POLA1: variants seen among roughly 807,000 people sequenced by gnomAD.
POLA1 encodes the protein DNA polymerase alpha catalytic subunit.
In POLA1, 15 loss-of-function variants were observed where a neutral mutation model predicts 124.0. The observed-to-expected ratio is 0.12, with a 90% CI of 0.08 to 0.19. The LOEUF is 0.19. Ranked by LOEUF, POLA1 falls within the 10% of genes least tolerant of loss-of-function variation. The pLI, the probability that POLA1 is intolerant of heterozygous loss-of-function variation, is 1.00. For missense variants in POLA1, 886 were observed against 1,103.4 expected (o/e 0.80, Z 2.79); for synonymous variants, 408 against 389.4 (o/e 1.05, Z -0.56).
intron 36 of POLA1, among the ~76,000 whole-genome samples, chrX:24,932,454 AAG>A (rs916381727): frequency 2.7e-5 from 3 of 111,978 alleles, no homozygotes; most frequent in Non-Finnish European, 5.6e-5. Context: ...CACAGAAAAT[AAG>A]AGGAAATAAG....
At chrX:24,768,426 T>C (rs528630208) in intron 26 of POLA1, among the ~76,000 whole-genome samples, 2 of 112,069 alleles carry the variant, frequency 1.8e-5, no homozygotes, top group Admixed American at 1.9e-4. Context: ...AGCTCAAACT[T>C]GGCATGGTTC....
rs759609075 is a variant in POLA1 at position 24,995,797 on chromosome X, C to G, written c.4262-8C>G. On this transcript the variant is annotated splice_region_variant and splice_polypyrimidine_tract_variant and intron_variant, in intron 36 of 36. Coordinates refer to ENST00000379068, the MANE Select transcript of POLA1 (RefSeq NM_001330360.2). ...TGAGACTTCTAATCTCTCTCTCTCTCTTTTTAGATAAATTGAAGAAGCAAT... is the reference window on the plus strand; with the variant it reads ...TGAGACTTCTAATCTCTCTCTCTCTGTTTTTAGATAAATTGAAGAAGCAAT... 8.4e-7 allele frequency: 1 copy of G among 1,193,744 alleles called. No homozygotes were observed. Among genetic ancestry groups the G allele is most frequent in the Non-Finnish European group, 1.1e-6 (1 of 881,788 alleles).
chrX:24,801,682 T>A (rs759851508), intron 26 of POLA1, among the ~76,000 whole-genome samples: 1 of 111,610 alleles, frequency 9.0e-6, no homozygotes, highest in East Asian at 2.8e-4. Flanking sequence ...TATTGAGCTC[T>A]TATGTCCCAG....
chrX:24,714,814 G>A, intron 5 of POLA1, 145 bp downstream of exon 5: 1 of 435,787 alleles, frequency 2.3e-6, no homozygotes, highest in South Asian at 4.6e-5. Context: ...ATTTCTAAGT[G>A]AATTAAGGCA....
intron 26 of POLA1, among the ~76,000 whole-genome samples, chrX:24,797,614 C>T (rs924658230): frequency 8.9e-6 from 1 of 112,235 alleles, no homozygotes; most frequent in Admixed American, 9.5e-5. Context: ...CTATGACCTA[C>T]GTCTAGCACA....
chrX:24,743,516 G>T (rs1199144530), intron 23 of POLA1, among the ~76,000 whole-genome samples, 187 bp downstream of exon 23: 1 of 112,303 alleles, frequency 8.9e-6, no homozygotes, highest in African/African-American at 3.2e-5. Context: ...TGTGAATTTT[G>T]TTATGCTGTG....
At chrX:24,703,222 C>CT (rs763090205) in intron 2 of POLA1, 29 bp from the exon 3 acceptor site, 1 of 1,077,787 alleles carries the variant, frequency 9.3e-7, no homozygotes, top group Non-Finnish European at 1.3e-6. Flanking sequence ...CTATTTGAAG[C>CT]TTTTTTCCTG....
At chrX:24,736,872 A>G (rs2148382688) in intron 18 of POLA1, among the ~76,000 whole-genome samples, 1 of 111,748 alleles carries the variant, frequency 8.9e-6, no homozygotes, top group South Asian at 3.8e-4. Flanking sequence ...TGACTACTCT[A>G]AGTAGTGGTA....
chrX:24,705,597 A>T (rs192365111), intron 4 of POLA1, among the ~76,000 whole-genome samples: 2 of 111,705 alleles, frequency 1.8e-5, no homozygotes, highest in East Asian at 5.6e-4. Context: ...AAGTTTCCCA[A>T]TTAGCCCAAT....
chrX:24,975,673 A>C (rs2048358185), intron 36 of POLA1, among the ~76,000 whole-genome samples: 1 of 112,132 alleles, frequency 8.9e-6, no homozygotes, highest in African/African-American at 3.2e-5. Context: ...ATTTCGAAAA[A>C]AGTTTTGACC....
At chrX:24,941,146 C>T (rs1036395380) in intron 36 of POLA1, among the ~76,000 whole-genome samples, 1 of 111,696 alleles carries the variant, frequency 9.0e-6, no homozygotes, top group African/African-American at 3.2e-5. Flanking sequence ...TTTATGCTCC[C>T]TCTATGAGAC....
At chrX:24,888,435 G>C (rs910356110) in intron 35 of POLA1, among the ~76,000 whole-genome samples, 1 of 110,121 alleles carries the variant, frequency 9.1e-6, no homozygotes, top group Non-Finnish European at 1.9e-5. Flanking sequence ...ATCGTCTTTG[G>C]GCTTGATCAG....
At chrX:24,877,777 C>G (rs1259413094) in intron 34 of POLA1, among the ~76,000 whole-genome samples, 1 of 111,698 alleles carries the variant, frequency 9.0e-6, no homozygotes, top group African/African-American at 3.3e-5. Context: ...TATGGCCATT[C>G]AGAAAATATA....
At chrX:24,927,147 T>C (rs2047705263) in intron 35 of POLA1, among the ~76,000 whole-genome samples, 2 of 110,521 alleles carry the variant, frequency 1.8e-5, no homozygotes, top group African/African-American at 3.3e-5. Flanking sequence ...TATCAGTACT[T>C]TTTTTAAAGC....
chrX:24,821,516 T>A lies in POLA1; in HGVS notation c.3494T>A (p.Leu1165His). 1 of 1,200,275 alleles carries A rather than the reference T, an allele frequency of 8.3e-7. No homozygotes were observed. Among genetic ancestry groups the A allele is most frequent in the African/African-American group, 1.7e-5 (1 of 57,629 alleles). The change falls in exon 31 of 37, where the codon CTC (leucine) becomes CAC (histidine). Residue 1165 changes from leucine (L) to histidine (H), a missense_variant. Physicochemically the swap from Leu to His is moderately conservative, Grantham distance 99 (BLOSUM62 -3). Around this residue, in one of 7 missense-constraint regions of POLA1, gnomAD observed 313 missense variants for 359.7 expected, o/e 0.87. Coordinates refer to ENST00000379068, the MANE Select transcript of POLA1 (RefSeq NM_001330360.2). ...KKSLPHVHVA[L>H]WINSQGGRKV... The stretch of plus-strand genomic sequence containing the variant: ...AGCCTACCTCATGTACATGTTGCCC[T>A]CTGGATAAATTCTCAAGGAGGCAGA...
intron 36 of POLA1, among the ~76,000 whole-genome samples, chrX:24,962,522 G>A (rs1181802631): frequency 8.9e-6 from 1 of 111,941 alleles, no homozygotes; most frequent in Non-Finnish European, 1.9e-5. Flanking sequence ...AGGCATCACA[G>A]TAAGGATAAG....
At chrX:24,820,967 C>G (rs2046077850) in intron 30 of POLA1, among the ~76,000 whole-genome samples, 1 of 111,966 alleles carries the variant, frequency 8.9e-6, no homozygotes. Flanking sequence ...CTTTCTGTTA[C>G]AAATTCATTC....
chrX:24,808,659 A>G (rs1024154063), intron 26 of POLA1, among the ~76,000 whole-genome samples: 1 of 111,477 alleles, frequency 9.0e-6, no homozygotes, highest in African/African-American at 3.3e-5. Context: ...TAATATTAAT[A>G]CAACGAACAT....
At chrX:24,876,124 C>T (rs1201937411) in intron 34 of POLA1, among the ~76,000 whole-genome samples, 3 of 111,917 alleles carry the variant, frequency 2.7e-5, no homozygotes, top group African/African-American at 9.7e-5. Context: ...TTTCTGAATA[C>T]TCAGTTTATA....
Sources: allele counts gnomAD v4.1 joint callset (sites outside exome capture counted in the v4.1 genomes callset), GRCh38; gene constraint gnomAD v4.1.1; regional missense constraint gnomAD v4.1.1; transcripts MANE v1.5; gene names NCBI Gene and HGNC (gene_info 2026-07-23, HGNC 2026-07-21).